Variants in PAPPA2 observed in about 807,000 individuals in gnomAD.
The protein encoded by PAPPA2 is pappalysin 2.
In PAPPA2, 86 loss-of-function variants were observed where a neutral mutation model predicts 176.4. The ratio of observed to expected loss-of-function variants is 0.49; its 90% CI spans 0.41 to 0.58. PAPPA2 has a LOEUF of 0.58. Among genes scored for constraint, PAPPA2 ranks in the 20% least tolerant of loss-of-function variants. PAPPA2 has a pLI of 0.00. For missense variants in PAPPA2, 2,073 were observed against 2,256.9 expected (o/e 0.92, Z 1.65); for synonymous variants, 809 against 852.2 (o/e 0.95, Z 0.88).
At chr1:176,804,784 G>A (rs145782118) in intron 21 of PAPPA2, among the ~76,000 whole-genome samples, 3 of 152,206 alleles carry the variant, frequency 2.0e-5, no homozygotes, top group African/African-American at 7.2e-5. Context: ...AATAACTGGG[G>A]CTCAGAAAAC....
chr1:176,765,583 C>T, intron 14 of PAPPA2, 83 bp from the exon 15 acceptor site: 1 of 1,377,968 alleles, frequency 7.3e-7, no homozygotes, highest in Non-Finnish European at 1.0e-6. Context: ...TTTAGGAGCC[C>T]TCCCAGATGG....
At chr1:176,647,831 T>A (rs1173030890) in intron 3 of PAPPA2, among the ~76,000 whole-genome samples, 1 of 151,700 alleles carries the variant, frequency 6.6e-6, no homozygotes, top group South Asian at 2.1e-4. Context: ...AACATGCCAT[T>A]TTGGCTGCTA....
chr1:176,468,149 G>A (rs926388485), intron 1 of PAPPA2, among the ~76,000 whole-genome samples: 2 of 152,182 alleles, frequency 1.3e-5, no homozygotes, highest in Non-Finnish European at 2.9e-5. Flanking sequence ...GACTATGTGA[G>A]TAAGCACCAG....
chr1:176,645,510 G>C (rs1279135608), intron 3 of PAPPA2, among the ~76,000 whole-genome samples: 1 of 151,746 alleles, frequency 6.6e-6, no homozygotes, highest in Non-Finnish European at 1.5e-5. Context: ...CACTTAGTTT[G>C]ATTCCATATT....
chr1:176,467,239 A>G (rs1651666295), intron 1 of PAPPA2, among the ~76,000 whole-genome samples: 1 of 152,196 alleles, frequency 6.6e-6, no homozygotes, highest in South Asian at 2.1e-4. Flanking sequence ...TAAAAATATA[A>G]TATTATAATC....
chr1:176,545,419 T>A (rs556558906), intron 1 of PAPPA2, among the ~76,000 whole-genome samples: 27 of 90,564 alleles, frequency 3.0e-4, no homozygotes, highest in Admixed American at 4.8e-4. Context: ...TCAGAAAAAA[T>A]AAATAAATAA....
At chr1:176,566,908 G>A (rs749749010) in intron 2 of PAPPA2, among the ~76,000 whole-genome samples, 1 of 152,040 alleles carries the variant, frequency 6.6e-6, no homozygotes, top group Non-Finnish European at 1.5e-5. Context: ...CCTTAGTTTG[G>A]CTCCTGAGCC....
At position 176,604,544 on chromosome 1, in the gene PAPPA2, T is replaced by C. The variant is rs911055852; in HGVS notation, c.1991+8949T>C. Among the ~76,000 whole-genome samples, 3 of 152,224 alleles carry C rather than the reference T, an allele frequency of 2.0e-5. No homozygotes were observed. In the South Asian group the frequency reaches 6.2e-4, roughly 32 times the overall value. On this transcript the variant is annotated intron_variant, in intron 3 of 22. Transcript: ENST00000367662. ...TATTTTGGAATACAGTTACACTCAC[T>C]TGTTTACATATTGTCTATGGCTGCT...
At chr1:176,638,412 G>C (rs1439195118) in intron 3 of PAPPA2, among the ~76,000 whole-genome samples, 2 of 152,014 alleles carry the variant, frequency 1.3e-5, no homozygotes, top group Non-Finnish European at 2.9e-5. Context: ...TATTTGGTGG[G>C]TTTTGTTGAG....
intron 1 of PAPPA2, among the ~76,000 whole-genome samples, chr1:176,525,450 T>A (rs1259023052): frequency 6.6e-6 from 1 of 152,158 alleles, no homozygotes; most frequent in African/African-American, 2.4e-5. Context: ...TAAACAGGAA[T>A]GTCAAAAAGA....
At chr1:176,722,145 A>G (rs756625853) in intron 12 of PAPPA2, among the ~76,000 whole-genome samples, 16 of 152,136 alleles carry the variant, frequency 1.1e-4, no homozygotes, top group Admixed American at 1.3e-4. Flanking sequence ...CATATTAATC[A>G]CAATCATTTT....
At chr1:176,531,484 G>T (rs1266684879) in intron 1 of PAPPA2, among the ~76,000 whole-genome samples, 1 of 152,216 alleles carries the variant, frequency 6.6e-6, no homozygotes, top group Non-Finnish European at 1.5e-5. Context: ...TATCCTAGGT[G>T]CTGGGATAGC....
At chr1:176,680,512 T>G (rs1355291024) in intron 4 of PAPPA2, among the ~76,000 whole-genome samples, 1 of 152,230 alleles carries the variant, frequency 6.6e-6, no homozygotes, top group Non-Finnish European at 1.5e-5. Flanking sequence ...CACATGTAAT[T>G]GTAAGAAACA....
At chr1:176,577,111 A>C (rs1003239275) in intron 2 of PAPPA2, among the ~76,000 whole-genome samples, 28 of 152,120 alleles carry the variant, frequency 1.8e-4, no homozygotes, top group African/African-American at 6.8e-4. Context: ...TAATAATAAT[A>C]ACTGTAAGAG....
chr1:176,602,146 G>A (rs946194277), intron 3 of PAPPA2, among the ~76,000 whole-genome samples: 2 of 152,130 alleles, frequency 1.3e-5, no homozygotes, highest in Admixed American at 1.3e-4. Context: ...TGTTTCTGAA[G>A]CCTGTGATGG....
intron 6 of PAPPA2, among the ~76,000 whole-genome samples, chr1:176,692,541 CAGGG>C (rs1660168514): frequency 6.6e-6 from 1 of 152,244 alleles, no homozygotes; most frequent in South Asian, 2.1e-4. Flanking sequence ...ACTCCCCCCT[CAGGG>C]AGGCCTGGAG....
At chr1:176,558,809 C>T (rs1314713578) in intron 2 of PAPPA2, among the ~76,000 whole-genome samples, 2 of 152,068 alleles carry the variant, frequency 1.3e-5, no homozygotes, top group Non-Finnish European at 2.9e-5. Flanking sequence ...CTAAGACCCA[C>T]GACTCTGCTT....
At chr1:176,476,425 C>T (rs1652129062) in intron 1 of PAPPA2, among the ~76,000 whole-genome samples, 1 of 152,158 alleles carries the variant, frequency 6.6e-6, no homozygotes, top group Admixed American at 6.5e-5. Context: ...ATGTCCCCAC[C>T]ATGATAAGGA....
chr1:176,533,376 C>T (rs536304810), intron 1 of PAPPA2, among the ~76,000 whole-genome samples: 9 of 152,346 alleles, frequency 5.9e-5, no homozygotes, highest in South Asian at 2.1e-4. Context: ...GACTAGGTCA[C>T]GGTCACCATC....
Sources: allele counts gnomAD v4.1 joint callset (sites outside exome capture counted in the v4.1 genomes callset), GRCh38; gene constraint gnomAD v4.1.1; transcripts MANE v1.5; gene names NCBI Gene and HGNC (gene_info 2026-07-23, HGNC 2026-07-21).